Variants in TENM3 observed in about 807,000 individuals in gnomAD.
TENM3 encodes the protein teneurin transmembrane protein 3.
In TENM3, 63 loss-of-function variants were observed where a neutral mutation model predicts 255.1. The observed-to-expected ratio is 0.25, with a 90% CI of 0.20 to 0.30. The LOEUF (loss-of-function observed/expected upper bound fraction) is 0.30, where lower values mean the gene tolerates loss of function less well. TENM3 is among the 10% of genes least tolerant of loss of function. The pLI, the probability that TENM3 is intolerant of heterozygous loss-of-function variation, is 1.00. For synonymous variants in TENM3, 1,306 were observed against 1,322.3 expected (o/e 0.99, Z 0.27); for missense variants, 2,929 against 3,461.1 (o/e 0.85, Z 3.86).
intron 1 of TENM3, among the ~76,000 whole-genome samples, chr4:182,244,245 G>A (rs940646199): frequency 1.1e-4 from 16 of 152,094 alleles, no homozygotes; most frequent in Admixed American, 3.9e-4. Flanking sequence ...GAGCCACCGC[G>A]CCCGGCCTCA....
chr4:181,867,680 G>T, the TENM3 span, among the ~76,000 whole-genome samples: 2 of 152,260 alleles, frequency 1.3e-5, no homozygotes, highest in East Asian at 3.9e-4. Flanking sequence ...CAGGAAATAG[G>T]TAACATGTAC....
At position 182,342,847 on chromosome 4, in the gene TENM3, C is replaced by G. The variant is rs193215107; in HGVS notation, c.233-3804C>G. Among the ~76,000 whole-genome samples, 523 of 152,216 alleles carry G rather than the reference C, an allele frequency of 3.4e-3. 2 individuals are homozygous for G. The highest frequency in any genetic ancestry group is 9.9e-3 in the African/African-American group (413 of 41,540). Reference sequence around the variant, plus strand: ...ATACAAGAGATAGTAGATGTGTTACCCATTGGTGAACATCACCCTGATTGT... The same window carrying G: ...ATACAAGAGATAGTAGATGTGTTACGCATTGGTGAACATCACCCTGATTGT... On this transcript the variant is annotated intron_variant, in intron 2 of 27. Coordinates refer to ENST00000511685, the MANE Select transcript of TENM3 (RefSeq NM_001080477.4).
the TENM3 span, among the ~76,000 whole-genome samples, chr4:181,450,859 A>T: frequency 6.6e-6 from 1 of 152,196 alleles, no homozygotes; most frequent in African/African-American, 2.4e-5. Context: ...GCTATAATTG[A>T]TCTGAATGAT....
the TENM3 span, among the ~76,000 whole-genome samples, chr4:182,126,774 G>T: frequency 6.6e-6 from 1 of 152,268 alleles, no homozygotes; most frequent in Non-Finnish European, 1.5e-5. Flanking sequence ...GCAAAACTTT[G>T]TCTGGCTGAC....
the TENM3 span, among the ~76,000 whole-genome samples, chr4:181,548,603 G>A: frequency 6.6e-6 from 1 of 152,158 alleles, no homozygotes; most frequent in Admixed American, 6.5e-5. Flanking sequence ...GGATTCCTCA[G>A]GAAGCTTTTT....
At chr4:182,384,641 G>A (rs889882798) in intron 3 of TENM3, among the ~76,000 whole-genome samples, 1 of 152,104 alleles carries the variant, frequency 6.6e-6, no homozygotes, top group Non-Finnish European at 1.5e-5. Context: ...GAAGAGAGTA[G>A]CTATTCACTG....
At chr4:181,553,525 T>A in the TENM3 span, among the ~76,000 whole-genome samples, 2,066 of 151,932 alleles carry the variant, frequency 0.014, 46 homozygotes, top group Middle Eastern at 0.017. Flanking sequence ...CACTGCAAGC[T>A]CCGCCTCCCG....
chr4:181,817,670 G>A, the TENM3 span, among the ~76,000 whole-genome samples: 7 of 152,070 alleles, frequency 4.6e-5, no homozygotes, highest in East Asian at 1.4e-3. Flanking sequence ...CTTATAAAAG[G>A]GTCTGATGGA....
chr4:181,575,329 T>G, the TENM3 span, among the ~76,000 whole-genome samples: 1 of 152,216 alleles, frequency 6.6e-6, no homozygotes, highest in African/African-American at 2.4e-5. Context: ...TGTAGTTAAT[T>G]ATTCCATGGT....
chr4:181,455,583 A>G, the TENM3 span, among the ~76,000 whole-genome samples: 1 of 151,998 alleles, frequency 6.6e-6, no homozygotes, highest in African/African-American at 2.4e-5. Context: ...TGTGAGCAAA[A>G]CTTCAGTCTT....
upstream of TENM3, among the ~76,000 whole-genome samples, chr4:182,140,442 A>G (rs1390311004): frequency 1.3e-5 from 2 of 152,110 alleles, no homozygotes; most frequent in African/African-American, 4.8e-5. Context: ...CCCGTTCCTC[A>G]TCGTTCCTAG....
chr4:182,784,431 G>A (rs2152816302), intron 24 of TENM3, among the ~76,000 whole-genome samples: 1 of 151,610 alleles, frequency 6.6e-6, no homozygotes, highest in Admixed American at 6.6e-5. Context: ...CCAGCTGCGT[G>A]CTGGGAGAAC....
the TENM3 span, chr4:181,906,244 C>A: frequency 9.8e-6 from 2 of 204,266 alleles, no homozygotes; most frequent in Non-Finnish European, 2.0e-5. Context: ...GTCTTTAAAT[C>A]AGTGAGGAAG....
At chr4:182,616,008 G>A (rs72701983) in intron 4 of TENM3, among the ~76,000 whole-genome samples, 1 of 152,096 alleles carries the variant, frequency 6.6e-6, no homozygotes, top group Admixed American at 6.6e-5. Context: ...GAGCAGCCCC[G>A]TCAGTTGCTG....
chr4:181,673,850 G>GTA, the TENM3 span, among the ~76,000 whole-genome samples: 2 of 93,408 alleles, frequency 2.1e-5, no homozygotes, highest in African/African-American at 8.0e-5. Flanking sequence ...TGTGTGGTGT[G>GTA]TGTGTGTGTG....
At chr4:182,390,725 C>A (rs560774888) in intron 3 of TENM3, among the ~76,000 whole-genome samples, 3 of 152,194 alleles carry the variant, frequency 2.0e-5, no homozygotes, top group Non-Finnish European at 2.9e-5. Flanking sequence ...CCCTTCAGCA[C>A]CTTGTCAGTT....
chr4:182,298,467 A>G (rs1488303707), intron 1 of TENM3, among the ~76,000 whole-genome samples: 2 of 152,196 alleles, frequency 1.3e-5, no homozygotes, highest in Non-Finnish European at 2.9e-5. Flanking sequence ...GTTAAAAGGA[A>G]ATGGATTGTA....
chr4:181,525,161 G>A, the TENM3 span, among the ~76,000 whole-genome samples: 1 of 151,990 alleles, frequency 6.6e-6, no homozygotes, highest in African/African-American at 2.4e-5. Flanking sequence ...CTGTAATTCC[G>A]GCACCTTGGG....
intron 3 of TENM3, among the ~76,000 whole-genome samples, chr4:182,442,847 TACACAC>T (rs10586825): frequency 1.2e-3 from 177 of 147,772 alleles, no homozygotes; most frequent in East Asian, 3.5e-3. Context: ...CATACATATA[TACACAC>T]ACACACACAC....
Sources: gnomAD v4.1 joint callset for allele counts (sites outside exome capture counted in the v4.1 genomes callset) on GRCh38, gnomAD v4.1.1 for gene constraint, MANE v1.5 for transcripts, NCBI Gene and HGNC (gene_info 2026-07-23, HGNC 2026-07-21) for gene names.